The following POLR3B variants were observed in gnomAD, a reference collection of about 807,000 sequenced individuals.
POLR3B encodes DNA-directed RNA polymerase III subunit RPC2.
A neutral mutation model predicts 147.4 loss-of-function variants in POLR3B; 96 were observed. The ratio of observed to expected loss-of-function variants is 0.65; its 90% CI spans 0.55 to 0.77. The LOEUF (loss-of-function observed/expected upper bound fraction) is 0.77. Ranked by LOEUF, POLR3B falls within the 30% of genes least tolerant of loss-of-function variation. The pLI is 0.00. For synonymous variants in POLR3B, 461 were observed against 485.9 expected, an observed-to-expected ratio of 0.95 and a Z score of 0.67; for missense variants, 1,036 against 1,413.5, an observed-to-expected ratio of 0.73 and a Z score of 4.28.
intron 23 of POLR3B, among the ~76,000 whole-genome samples, chr12:106,467,397 A>G (rs2038021451): frequency 6.6e-6 from 1 of 152,212 alleles, no homozygotes; most frequent in Non-Finnish European, 1.5e-5. Flanking sequence ...GTCATCTGCA[A>G]TGAAAGACAA....
At chr12:106,468,852 T>C (rs2038046103) in intron 23 of POLR3B, among the ~76,000 whole-genome samples, 1 of 152,216 alleles carries the variant, frequency 6.6e-6, no homozygotes, top group Non-Finnish European at 1.5e-5. Flanking sequence ...GAGGAGTCTT[T>C]TACTTCCAAT....
intron 1 of POLR3B, among the ~76,000 whole-genome samples, chr12:106,360,455 A>G (rs1310485088): frequency 2.0e-5 from 3 of 152,194 alleles, no homozygotes; most frequent in Non-Finnish European, 4.4e-5. Flanking sequence ...CCACATATCT[A>G]TAATATAACT....
At chr12:106,401,541 A>T (rs1317193155) in intron 10 of POLR3B, among the ~76,000 whole-genome samples, 2 of 152,238 alleles carry the variant, frequency 1.3e-5, no homozygotes, top group Non-Finnish European at 2.9e-5. Context: ...ATCCTTGATG[A>T]ACATTGATGC....
chr12:106,417,648 GA>G (rs202003866), intron 12 of POLR3B, among the ~76,000 whole-genome samples: 9 of 151,534 alleles, frequency 5.9e-5, no homozygotes, highest in Non-Finnish European at 1.0e-4. Context: ...TTAGGTTCTA[GA>G]AAAAAAAATT....
At chr12:106,408,914 T>C (rs1475972620) in intron 11 of POLR3B, among the ~76,000 whole-genome samples, 1 of 152,196 alleles carries the variant, frequency 6.6e-6, no homozygotes, top group Non-Finnish European at 1.5e-5. Context: ...GGGAGTGAAA[T>C]GAGTTAGAGT....
chr12:106,463,394 G>A (rs536156739), intron 22 of POLR3B, 84 bp from the exon 23 acceptor site: 38 of 1,165,804 alleles, frequency 3.3e-5, no homozygotes, highest in African/African-American at 3.2e-4. Context: ...TCTATGGTAG[G>A]CATGAAATGA....
intron 1 of POLR3B, among the ~76,000 whole-genome samples, chr12:106,360,303 T>C (rs535848990): frequency 2.0e-5 from 3 of 152,332 alleles, no homozygotes; most frequent in South Asian, 4.1e-4. Flanking sequence ...TTACCATGTT[T>C]GTAATAAATT....
chr12:106,477,926 A>G (rs1189187479), intron 23 of POLR3B, among the ~76,000 whole-genome samples: 1 of 69,972 alleles, frequency 1.4e-5, no homozygotes, highest in Non-Finnish European at 2.6e-5. Context: ...TTTTTTGGAG[A>G]CAGAGCCTCA....
chr12:106,470,399 A>T (rs78734438), intron 23 of POLR3B, among the ~76,000 whole-genome samples: 2 of 151,614 alleles, frequency 1.3e-5, no homozygotes, highest in South Asian at 4.2e-4. Flanking sequence ...GTTAGAACAC[A>T]CTCCTTTAGC....
intron 27 of POLR3B, chr12:106,507,730 A>G (rs2038711789): frequency 2.2e-6 from 1 of 455,744 alleles, no homozygotes; most frequent in Non-Finnish European, 4.4e-6. Flanking sequence ...GTCTTCTCCC[A>G]TTCTCCTCCT....
At chr12:106,435,406 A>T (rs1004051574) in intron 16 of POLR3B, among the ~76,000 whole-genome samples, 1 of 152,194 alleles carries the variant, frequency 6.6e-6, no homozygotes, top group African/African-American at 2.4e-5. Flanking sequence ...CAGCCTCCCA[A>T]AGTGCTGGGA....
At position 106,503,836 on chromosome 12, in the gene POLR3B, A is replaced by G. The variant is rs2288268; in HGVS notation, c.3099-245A>G. Among the ~76,000 whole-genome samples, 42,428 of 152,182 alleles carry G rather than the reference A, an allele frequency of 0.28. 6,562 individuals are homozygous for G. Among genetic ancestry groups the G allele is most frequent in the African/African-American group, 0.41 (16,837 of 41,490 alleles). On this transcript the variant is annotated intron_variant, in intron 26 of 27. Coordinates refer to ENST00000228347, the MANE Select transcript of POLR3B (RefSeq NM_018082.6). ...ACATCATATGATATTATGCAATTAT[A>G]TATTCATTTAACCATAACAACCATC...
intron 19 of POLR3B, among the ~76,000 whole-genome samples, chr12:106,445,643 A>G (rs2037712733): frequency 2.6e-5 from 4 of 152,250 alleles, no homozygotes; most frequent in African/African-American, 9.6e-5. Flanking sequence ...GTTTTAAAAA[A>G]TCATTTAAAT....
At chr12:106,405,702 T>G (rs879757376) in intron 10 of POLR3B, among the ~76,000 whole-genome samples, 155 bp from the exon 11 acceptor site, 3 of 152,174 alleles carry the variant, frequency 2.0e-5, no homozygotes, top group Non-Finnish European at 2.9e-5. Flanking sequence ...TTGTCATTGA[T>G]TTATGATAAA....
At chr12:106,440,982 A>G (rs1262720015) in intron 18 of POLR3B, among the ~76,000 whole-genome samples, 1 of 152,190 alleles carries the variant, frequency 6.6e-6, no homozygotes, top group African/African-American at 2.4e-5. Flanking sequence ...GTTTTTTAAA[A>G]TATAGAAATG....
At chr12:106,392,544 G>GTTTTAGGAAAAATTCTTTTCCT (rs1463019002) in intron 9 of POLR3B, among the ~76,000 whole-genome samples, 2 of 152,176 alleles carry the variant, frequency 1.3e-5, no homozygotes, top group South Asian at 2.1e-4. Context: ...GGTAAAACGT[G>GTTTTAGGAAAAATTCTTTTCCT]TTTTAGGAAA....
chr12:106,477,127 T>G (rs965885370), intron 23 of POLR3B, among the ~76,000 whole-genome samples: 181 of 128,418 alleles, frequency 1.4e-3, no homozygotes, highest in Middle Eastern at 3.6e-3. Flanking sequence ...ATACCCTGCC[T>G]TGTGAGGTGT....
chr12:106,374,714 C>T (rs2036654781), intron 6 of POLR3B, among the ~76,000 whole-genome samples: 1 of 152,124 alleles, frequency 6.6e-6, no homozygotes, highest in Admixed American at 6.5e-5. Context: ...GATGGGGTTT[C>T]ACCACGTTGA....
intron 23 of POLR3B, among the ~76,000 whole-genome samples, chr12:106,473,055 G>T (rs1221822093): frequency 1.1e-5 from 1 of 93,032 alleles, no homozygotes; most frequent in African/African-American, 5.8e-5. Context: ...GTGTAAGGAA[G>T]GGATCCAGTT....
Sources: gnomAD v4.1 joint callset for allele counts (sites outside exome capture counted in the v4.1 genomes callset) on GRCh38, gnomAD v4.1.1 for gene constraint, MANE v1.5 for transcripts, NCBI Gene and HGNC (gene_info 2026-07-23, HGNC 2026-07-21) for gene names.